RNF175: variants seen among roughly 807,000 people sequenced by gnomAD.
RNF175 encodes the protein ring finger protein 175.
In RNF175, 38 loss-of-function variants were observed where a neutral mutation model predicts 50.0. The observed-to-expected ratio is 0.76, with a 90% CI of 0.59 to 1.00. RNF175 has a LOEUF of 1.00. Ranked by LOEUF, RNF175 falls within the 50% of genes least tolerant of loss-of-function variation. The probability of loss-of-function intolerance (pLI) is 0.00; values close to 1 mark genes in which losing one functional copy is unlikely to be tolerated. For missense variants in RNF175, 388 were observed against 409.6 expected (o/e 0.95, Z 0.46); for synonymous variants, 155 against 146.1 (o/e 1.06, Z -0.44).
chr4:153,748,093 C>T (rs914124030), intron 3 of RNF175, among the ~76,000 whole-genome samples: 5 of 152,170 alleles, frequency 3.3e-5, no homozygotes, highest in African/African-American at 1.2e-4. Flanking sequence ...AGGGCAGAGC[C>T]CTTATGGCCA....
chr4:153,755,669 CA>C (rs202062598), intron 1 of RNF175, among the ~76,000 whole-genome samples: 2 of 146,846 alleles, frequency 1.4e-5, no homozygotes, highest in East Asian at 2.0e-4. Flanking sequence ...CCCACCCCCG[CA>C]AAAAAAATGA....
chr4:153,720,155 T>C (rs745728439), intron 6 of RNF175, 29 bp downstream of exon 6: 2 of 1,611,062 alleles, frequency 1.2e-6, no homozygotes, highest in South Asian at 1.1e-5. Context: ...GTGTCATACA[T>C]GGTTTCAGAA....
intron 4 of RNF175, among the ~76,000 whole-genome samples, chr4:153,723,742 T>C (rs1488366795): frequency 6.6e-6 from 1 of 152,172 alleles, no homozygotes; most frequent in African/African-American, 2.4e-5. Context: ...CCTTCAGGAA[T>C]GGTTACTCTT....
chr4:153,715,262 C>T (rs1422761251), intron 7 of RNF175: 2 of 484,302 alleles, frequency 4.1e-6, no homozygotes, highest in Admixed American at 3.2e-5. Context: ...CCTGCCAGCA[C>T]CCTGCTCAGA....
intron 3 of RNF175, among the ~76,000 whole-genome samples, chr4:153,748,144 T>C (rs1305162476): frequency 2.6e-5 from 4 of 152,248 alleles, no homozygotes; most frequent in South Asian, 2.1e-4. Context: ...CACTGTTGCA[T>C]TGGGGATTAA....
chr4:153,739,322 G>C (rs1739523035), intron 3 of RNF175, among the ~76,000 whole-genome samples: 1 of 152,126 alleles, frequency 6.6e-6, no homozygotes, highest in Admixed American at 6.5e-5. Flanking sequence ...TCGGGAGGCT[G>C]AGGCAGGAGA....
intron 5 of RNF175, among the ~76,000 whole-genome samples, chr4:153,722,163 A>G (rs950940363): frequency 4.6e-5 from 7 of 152,142 alleles, no homozygotes; most frequent in African/African-American, 1.7e-4. Flanking sequence ...GCTGCTTTCC[A>G]TAGCTGTGTG....
chr4:153,718,222 GT>G (rs1460898288), intron 6 of RNF175, among the ~76,000 whole-genome samples: 1 of 37,540 alleles, frequency 2.7e-5, no homozygotes, highest in African/African-American at 6.1e-5. Context: ...TTTTTTGTTT[GT>G]TTGTTTGTTT....
intron 1 of RNF175, among the ~76,000 whole-genome samples, chr4:153,755,343 C>G (rs549148216): frequency 5.2e-4 from 79 of 152,330 alleles, no homozygotes; most frequent in African/African-American, 1.8e-3. Context: ...ACAGGCTTTC[C>G]CTGCTAGCAA....
At chr4:153,731,917 T>C (rs1313826565) in intron 3 of RNF175, among the ~76,000 whole-genome samples, 1 of 149,092 alleles carries the variant, frequency 6.7e-6, no homozygotes, top group Non-Finnish European at 1.5e-5. Context: ...TGAAGGAGAG[T>C]GTGAATATAA....
At chr4:153,736,455 T>C (rs530155703) in intron 3 of RNF175, among the ~76,000 whole-genome samples, 117 of 152,340 alleles carry the variant, frequency 7.7e-4, no homozygotes, top group African/African-American at 2.8e-3. Flanking sequence ...TGGTAAGTCT[T>C]GAAATTGGGC....
At chr4:153,724,776 T>C (rs1471317617) in intron 4 of RNF175, among the ~76,000 whole-genome samples, 1 of 152,030 alleles carries the variant, frequency 6.6e-6, no homozygotes, top group African/African-American at 2.4e-5. Context: ...CTGAAATGTG[T>C]TGTCATTTAC....
intron 6 of RNF175, 65 bp downstream of exon 6, chr4:153,720,119 C>T: frequency 3.3e-6 from 5 of 1,531,014 alleles, no homozygotes; most frequent in Non-Finnish European, 4.5e-6. Flanking sequence ...TGGATGCAGA[C>T]ATGTAAGATG....
intron 1 of RNF175, among the ~76,000 whole-genome samples, chr4:153,758,496 A>T (rs954539700): frequency 6.6e-6 from 1 of 152,170 alleles, no homozygotes; most frequent in Non-Finnish European, 1.5e-5. Flanking sequence ...CTTAAGGAAG[A>T]GCAAAGATCA....
chr4:153,741,657 GT>G (rs1025771367), intron 3 of RNF175, among the ~76,000 whole-genome samples: 1 of 151,990 alleles, frequency 6.6e-6, no homozygotes, highest in Non-Finnish European at 1.5e-5. Context: ...AGTTTGGTCC[GT>G]TTTTTTCTTG....
At chr4:153,727,272 C>T (rs1309892815) in intron 4 of RNF175, among the ~76,000 whole-genome samples, 2 of 152,176 alleles carry the variant, frequency 1.3e-5, no homozygotes, top group Admixed American at 6.5e-5. Flanking sequence ...TTTATAAGGT[C>T]TCCTACCACC....
chr4:153,747,522 T>C (rs62325092), intron 3 of RNF175, among the ~76,000 whole-genome samples: 26,868 of 152,236 alleles, frequency 0.18, 3,084 homozygotes, highest in Non-Finnish European at 0.25. Context: ...TTCCGATACC[T>C]TGTTCCTCAT....
At chr4:153,739,613 C>T (rs1261512521) in intron 3 of RNF175, among the ~76,000 whole-genome samples, 1 of 152,006 alleles carries the variant, frequency 6.6e-6, no homozygotes, top group Non-Finnish European at 1.5e-5. Flanking sequence ...TTTTGTTTGC[C>T]TGATAAAGTC....
At position 153,715,639 on chromosome 4, in the gene RNF175, A is replaced by C. The variant is rs748334907; in HGVS notation, c.654T>G (p.Pro218=). 2.4e-5 allele frequency: 39 copies of C among 1,613,830 alleles called. No individual in the cohort carries two copies. The highest frequency in any genetic ancestry group is 3.2e-5 in the Non-Finnish European group (38 of 1,179,866). Residue 218 remains proline (P), a synonymous_variant, in exon 7 of 9, where the codon CCT becomes CCG. Coordinates refer to ENST00000347063, the MANE Select transcript of RNF175 (RefSeq NM_173662.4). ...AGATATTGTCCGATAAGCTCCTTGT[A>C]GGCAACCGGCTGACACTGTAGAACT... ...TIGFYSVSRL[P]TRSLSDNICA...
Sources: allele counts gnomAD v4.1 joint callset (sites outside exome capture counted in the v4.1 genomes callset), GRCh38; gene constraint gnomAD v4.1.1; transcripts MANE v1.5; gene names NCBI Gene and HGNC (gene_info 2026-07-23, HGNC 2026-07-21).